Variants in TET3 observed in about 807,000 individuals in gnomAD.
The protein encoded by TET3 is methylcytosine dioxygenase TET3.
Under a neutral mutation model 141.4 loss-of-function variants are expected in TET3, and 19 were observed. The ratio of observed to expected loss-of-function variants is 0.13; its 90% CI spans 0.09 to 0.20. The LOEUF (loss-of-function observed/expected upper bound fraction) is 0.20. Ranked by LOEUF, TET3 falls within the 10% of genes least tolerant of loss-of-function variation. The pLI, the probability that TET3 is intolerant of heterozygous loss-of-function variation, is 1.00. For synonymous variants in TET3, 1,043 were observed against 980.9 expected (o/e 1.06, Z -1.18); for missense variants, 1,874 against 2,356.9 (o/e 0.80, Z 4.24).
intron 3 of TET3, among the ~76,000 whole-genome samples, chr2:74,017,894 A>G (rs1685817940): frequency 6.7e-6 from 1 of 149,864 alleles, no homozygotes; most frequent in South Asian, 2.1e-4. Context: ...CATCCTCACC[A>G]TCATTTATTT....
chr2:74,080,682 A>T, intron 6 of TET3, 91 bp downstream of exon 6: 3 of 485,476 alleles, frequency 6.2e-6, no homozygotes, highest in Non-Finnish European at 1.0e-5. Flanking sequence ...TGCTGCATGT[A>T]GCTGAGCAGG....
chr2:73,997,378 G>T (rs578029029), intron 2 of TET3, among the ~76,000 whole-genome samples: 1 of 152,176 alleles, frequency 6.6e-6, no homozygotes, highest in Admixed American at 6.5e-5. Flanking sequence ...GTGTGCCCCA[G>T]TTCCCTTAAT....
intron 2 of TET3, among the ~76,000 whole-genome samples, chr2:73,994,001 G>A (rs953734728): frequency 1.3e-5 from 2 of 152,094 alleles, no homozygotes; most frequent in Non-Finnish European, 2.9e-5. Flanking sequence ...TGGGTAGGTG[G>A]GTGGCAGTGA....
At chr2:74,037,524 T>C (rs916377380) in intron 3 of TET3, among the ~76,000 whole-genome samples, 19 of 152,216 alleles carry the variant, frequency 1.2e-4, no homozygotes, top group Non-Finnish European at 2.4e-4. Flanking sequence ...GGGTGGAGTT[T>C]ACTGGCTTAG....
chr2:73,986,138 C>A lies in TET3; in HGVS notation c.-266C>A. ...CCACCGGGCCAAGATGATCCCTTTT[C>A]TGAGGGCTGCTGCTGGTGTCCTCCC... is the stretch of plus-strand genomic sequence containing the variant. On this transcript the variant is annotated 5_prime_UTR_variant, in exon 2 of 12. The change creates a new upstream start codon in the 5' untranslated region. Coordinates refer to ENST00000409262, the MANE Select transcript of TET3 (RefSeq NM_001287491.2). 1 of 327,350 alleles carries A rather than the reference C, an allele frequency of 3.1e-6. No individual in the cohort carries two copies. The highest frequency in any genetic ancestry group is 4.7e-5 in the East Asian group (1 of 21,218). 20.3% of individuals were successfully genotyped at this position (327,350 alleles called of 1,614,324 possible).
rs1688628052 is a variant in TET3 at position 74,062,131 on chromosome 2, A to T, written c.2495-11418A>T. Among the ~76,000 whole-genome samples, 4 of 152,206 alleles carry T rather than the reference A, an allele frequency of 2.6e-5. No individual in the cohort carries two copies. The South Asian group carries it at 8.3e-4, about 31-fold the overall frequency. On this transcript the variant is annotated intron_variant, in intron 4 of 11. Coordinates refer to ENST00000409262, the MANE Select transcript of TET3 (RefSeq NM_001287491.2). ...GCCACTGCACTCCAGCCTGGGCACC[A>T]TTGAGCACTGAGTGAACCAGACTCC...
At chr2:74,089,859 A>T in intron 7 of TET3, 38 bp from the exon 8 acceptor site, 2 of 1,610,734 alleles carry the variant, frequency 1.2e-6, no homozygotes, top group South Asian at 1.1e-5. Context: ...ACGAAGGGAT[A>T]TTGCATCTAT....
chr2:74,101,419 C>G lies in TET3; in HGVS notation c.4631C>G (p.Ser1544Trp). The change falls in exon 12 of 12, where the codon TCG becomes TGG. Residue 1544 changes from serine to tryptophan, a missense_variant. Transcript: ENST00000409262. This position sits in a 1 kb window ranked among gnomAD's most constrained non-coding sequence, Gnocchi z 8.5. ...PWALGAGDFN[S>W]ALKGSPGFQD... ...GCGCTGGGGGCAGGGGATTTCAACTCGGCCCTGAAAGGTAGTCCTGGGTTC... is the reference window on the plus strand; with the variant it reads ...GCGCTGGGGGCAGGGGATTTCAACTGGGCCCTGAAAGGTAGTCCTGGGTTC... The G allele has an allele frequency of 1.6e-5, 26 of 1,613,888 alleles. No individual in the cohort carries two copies. The highest frequency in any genetic ancestry group is 2.2e-5 in the Non-Finnish European group (26 of 1,179,852).
chr2:74,050,885 T>C (rs1163809749), intron 4 of TET3, among the ~76,000 whole-genome samples: 1 of 151,004 alleles, frequency 6.6e-6, no homozygotes, highest in Admixed American at 6.6e-5. Flanking sequence ...AAAACAACAA[T>C]AAAATATTTA....
At chr2:74,072,039 T>A (rs1689236051) in intron 4 of TET3, among the ~76,000 whole-genome samples, 2 of 152,190 alleles carry the variant, frequency 1.3e-5, no homozygotes, top group Admixed American at 1.3e-4. Context: ...TTAAAATATT[T>A]TCATGATTCC....
In TET3 at chr2:74,107,924, CCTTTTTG is replaced by C. The variant is rs1385422154; in HGVS notation, c.*5749_*5755del. 1.3e-5 allele frequency: 2 copies of C among 152,764 alleles called. No homozygotes were observed. Among genetic ancestry groups the C allele is most frequent in the African/African-American group, 4.8e-5 (2 of 41,388 alleles). The allele number at this position is 152,764 out of a possible 1,614,324, so 9.5% of individuals were successfully genotyped here. A position where few individuals can be genotyped will look rare whatever the true frequency, so the allele number is the denominator to read the frequency against. The stretch of plus-strand genomic sequence containing the variant: ...ATAATTTTATTTTGTATAATTTTTA[CCTTTTTG>C]TTAATATTTTTTCCTTCCACTTTAT... On this transcript the variant is annotated 3_prime_UTR_variant, in exon 12 of 12. Transcript: ENST00000409262.
chr2:74,072,332 G>C (rs1287402258), intron 4 of TET3, among the ~76,000 whole-genome samples: 1 of 152,222 alleles, frequency 6.6e-6, no homozygotes, highest in Non-Finnish European at 1.5e-5. Context: ...GGTCAACATG[G>C]TGAAACTCTG....
the TET3 span, among the ~76,000 whole-genome samples, chr2:74,113,642 A>G: frequency 1.3e-5 from 2 of 152,288 alleles, no homozygotes; most frequent in East Asian, 1.9e-4. Flanking sequence ...AGTTATTTCC[A>G]TACATGTACA....
Position 74,049,624 on chromosome 2 carries a change from C to T in TET3, c.2494+1213C>T, listed in dbSNP as rs377095104. Among the ~76,000 whole-genome samples, 6 of 152,230 alleles carry T rather than the reference C, an allele frequency of 3.9e-5. No individual in the cohort carries two copies. In the East Asian group the frequency reaches 5.8e-4, roughly 15 times the overall value. ...TTCTTGTGATTTTGTGATACACAGACGGGTCTTGGGAAAAGGCTGTCTTCC... is the reference window on the plus strand; with the variant it reads ...TTCTTGTGATTTTGTGATACACAGATGGGTCTTGGGAAAAGGCTGTCTTCC... On this transcript the variant is annotated intron_variant, in intron 4 of 11. Transcript: ENST00000409262.
At chr2:74,120,452 G>A in the TET3 span, among the ~76,000 whole-genome samples, 4 of 152,248 alleles carry the variant, frequency 2.6e-5, no homozygotes, top group African/African-American at 7.2e-5. Flanking sequence ...CCTACCCGGG[G>A]GGAACGTGTG....
intron 3 of TET3, among the ~76,000 whole-genome samples, chr2:74,018,411 C>T (rs72905283): frequency 0.027 from 4,090 of 152,176 alleles, 170 homozygotes; most frequent in African/African-American, 0.093. Flanking sequence ...TTTTATACAA[C>T]GAGAATTCAT....
At chr2:74,098,935 G>A (rs189260655) in intron 10 of TET3, among the ~76,000 whole-genome samples, 4 of 152,322 alleles carry the variant, frequency 2.6e-5, no homozygotes, top group Admixed American at 2.0e-4. Flanking sequence ...GAGCTTCACT[G>A]GGCAACGTGG....
intron 4 of TET3, among the ~76,000 whole-genome samples, chr2:74,055,744 A>G (rs1399645478): frequency 6.6e-6 from 1 of 152,208 alleles, no homozygotes; most frequent in East Asian, 1.9e-4. Context: ...CTTTATCCTC[A>G]TGAATGGATT....
chr2:74,004,683 C>G (rs1685059284), intron 3 of TET3, among the ~76,000 whole-genome samples: 1 of 152,012 alleles, frequency 6.6e-6, no homozygotes, highest in South Asian at 2.1e-4. Context: ...TGGGAGGTGA[C>G]AGAGGGCAGT....
Sources: allele counts gnomAD v4.1 joint callset (sites outside exome capture counted in the v4.1 genomes callset), GRCh38; gene constraint gnomAD v4.1.1; non-coding constraint Gnocchi (gnomAD v3.1); transcripts MANE v1.5; gene names NCBI Gene and HGNC (gene_info 2026-07-23, HGNC 2026-07-21).